Variants in RPIA observed in about 807,000 individuals in gnomAD.
RPIA encodes ribose 5-phosphate isomerase A.
RPIA carries 29 observed loss-of-function variants against 37.8 expected under a neutral mutation model. The observed-to-expected ratio is 0.77, with a 90% CI of 0.57 to 1.05. The LOEUF is 1.05. Ranked by LOEUF, RPIA falls within the 50% of genes least tolerant of loss-of-function variation. RPIA has a pLI of 0.00. For missense variants in RPIA, 385 were observed against 413.6 expected (o/e 0.93, Z 0.60); for synonymous variants, 167 against 157.0 (o/e 1.06, Z -0.48).
At chr2:88,735,332 G>C (rs1050784163) in intron 5 of RPIA, among the ~76,000 whole-genome samples, 1 of 152,058 alleles carries the variant, frequency 6.6e-6, no homozygotes, top group Non-Finnish European at 1.5e-5. Context: ...TGTTCAAAGC[G>C]TGCCCTCCTC....
intron 2 of RPIA, 83 bp downstream of exon 2, chr2:88,698,627 G>A: frequency 1.5e-6 from 2 of 1,300,184 alleles, no homozygotes; most frequent in Admixed American, 1.7e-5. Flanking sequence ...GTGGCACACA[G>A]GTTTGGCATT....
At chr2:88,707,094 G>A (rs1672907304) in intron 3 of RPIA, among the ~76,000 whole-genome samples, 2 of 152,214 alleles carry the variant, frequency 1.3e-5, no homozygotes, top group Non-Finnish European at 2.9e-5. Context: ...ATTTGGATTA[G>A]CATGGTCAGT....
chr2:88,733,566 G>A (rs1573475512), intron 4 of RPIA, among the ~76,000 whole-genome samples: 1 of 152,216 alleles, frequency 6.6e-6, no homozygotes, highest in Non-Finnish European at 1.5e-5. Context: ...AATTGCCAGA[G>A]TGCAGCCTGG....
chr2:88,734,492 G>A, intron 4 of RPIA, 60 bp from the exon 5 acceptor site: 1 of 1,523,872 alleles, frequency 6.6e-7, no homozygotes, highest in South Asian at 1.1e-5. Flanking sequence ...CGCATGCTCA[G>A]GCAATTAGCA....
intron 3 of RPIA, among the ~76,000 whole-genome samples, chr2:88,721,351 A>G (rs1673119458): frequency 6.6e-6 from 1 of 151,594 alleles, no homozygotes. Context: ...ATATTCCAGA[A>G]CTTAAAGTAT....
At chr2:88,696,483 T>C (rs1672749280) in intron 1 of RPIA, among the ~76,000 whole-genome samples, 1 of 150,654 alleles carries the variant, frequency 6.6e-6, no homozygotes, top group Non-Finnish European at 1.5e-5. Flanking sequence ...AGTTTGAAGA[T>C]GAGTTTGTGT....
intron 2 of RPIA, among the ~76,000 whole-genome samples, chr2:88,699,184 T>G (rs1672796878): frequency 6.6e-6 from 1 of 151,904 alleles, no homozygotes; most frequent in South Asian, 2.1e-4. Context: ...TATCAAGGAG[T>G]GGTTTTAGTG....
chr2:88,691,710 C>A lies in RPIA; in HGVS notation c.12C>A (p.Pro4=). 12 of 1,578,812 alleles carry A rather than the reference C, an allele frequency of 7.6e-6. No homozygotes were observed. Among genetic ancestry groups the A allele is most frequent in the Middle Eastern group, 2.3e-4 (1 of 4,328 alleles). ...AGCGAGGCGTCGGGATGCAGCGCCC[C>A]GGGCCCTTCAGCACCCTCTACGGGC... is the stretch of plus-strand genomic sequence containing the variant. MQR[P]GPFSTLYGRV... is the part of the protein sequence containing the mutation. Residue 4 remains proline (P), a synonymous_variant, in exon 1 of 9, where the codon CCC becomes CCA. Coordinates refer to ENST00000283646, the MANE Select transcript of RPIA (RefSeq NM_144563.3).
chr2:88,720,928 C>T (rs557243157), intron 3 of RPIA, among the ~76,000 whole-genome samples: 2 of 152,284 alleles, frequency 1.3e-5, no homozygotes, highest in East Asian at 1.9e-4. Context: ...ATGTTTATTG[C>T]AGCACTATTC....
At chr2:88,725,107 T>A (rs72930704) in intron 3 of RPIA, among the ~76,000 whole-genome samples, 2,735 of 152,210 alleles carry the variant, frequency 0.018, 88 homozygotes, top group African/African-American at 0.061. Flanking sequence ...TCCTTGCACT[T>A]TCCAGAACTC....
At chr2:88,694,226 G>A (rs1255467842) in intron 1 of RPIA, among the ~76,000 whole-genome samples, 2 of 152,250 alleles carry the variant, frequency 1.3e-5, no homozygotes, top group African/African-American at 4.8e-5. Flanking sequence ...CAAGGGCACT[G>A]ATTTCCTGGG....
chr2:88,696,521 A>G lies in RPIA; in HGVS notation c.286-1963A>G, dbSNP rs531738599. 8.5e-5 allele frequency among the ~76,000 whole-genome samples: 13 copies of G among 152,052 alleles called. No individual in the cohort carries two copies. The East Asian group carries it at 2.1e-3, about 25-fold the overall frequency. On this transcript the variant is annotated intron_variant, in intron 1 of 8. Coordinates refer to ENST00000283646, the MANE Select transcript of RPIA (RefSeq NM_144563.3). ...GTGTGGGGGGGCATTGATAGTTTAT[A>G]TATATTATAAACATATATACAAGAT... is the stretch of plus-strand genomic sequence containing the variant.
intron 8 of RPIA, among the ~76,000 whole-genome samples, chr2:88,748,900 G>T (rs1673468972): frequency 6.6e-6 from 1 of 152,152 alleles, no homozygotes; most frequent in African/African-American, 2.4e-5. Context: ...TTGTAGAGCT[G>T]CCATCTCTAT....
At chr2:88,700,134 C>T (rs1672810535) in intron 3 of RPIA, 70 bp downstream of exon 3, 2 of 1,461,440 alleles carry the variant, frequency 1.4e-6, no homozygotes, top group East Asian at 2.3e-5. Context: ...GGTTGTGGAC[C>T]TATGGCCTTG....
At chr2:88,721,589 A>C (rs1673131978) in intron 3 of RPIA, among the ~76,000 whole-genome samples, 1 of 124,822 alleles carries the variant, frequency 8.0e-6, no homozygotes, top group Admixed American at 8.7e-5. Context: ...CCCCACATGC[A>C]CACATGTTTT....
chr2:88,737,742 C>T (rs1449603055), intron 7 of RPIA, among the ~76,000 whole-genome samples: 2 of 151,120 alleles, frequency 1.3e-5, no homozygotes, highest in African/African-American at 4.9e-5. Flanking sequence ...TAGCTTGATA[C>T]ATTTGTTAAG....
At chr2:88,708,028 A>G (rs1316777656) in intron 3 of RPIA, among the ~76,000 whole-genome samples, 1 of 152,222 alleles carries the variant, frequency 6.6e-6, no homozygotes, top group Non-Finnish European at 1.5e-5. Flanking sequence ...CACATCAGTT[A>G]GATTAGCAGT....
intron 8 of RPIA, among the ~76,000 whole-genome samples, chr2:88,739,442 C>T (rs562727611): frequency 2.6e-5 from 4 of 152,256 alleles, no homozygotes; most frequent in East Asian, 1.9e-4. Flanking sequence ...TGAGTTAAAA[C>T]CGTGCCCATT....
chr2:88,738,105 T>A (rs759029647), intron 8 of RPIA, 29 bp downstream of exon 8: 1 of 1,508,176 alleles, frequency 6.6e-7, no homozygotes, highest in Non-Finnish European at 9.2e-7. Context: ...ACCAGTCATA[T>A]ACACACCCAT....
Sources: allele counts gnomAD v4.1 joint callset (sites outside exome capture counted in the v4.1 genomes callset), GRCh38; gene constraint gnomAD v4.1.1; transcripts MANE v1.5; gene names NCBI Gene and HGNC (gene_info 2026-07-23, HGNC 2026-07-21).